The following CAMTA1 variants were observed in gnomAD, a reference collection of about 807,000 sequenced individuals.
CAMTA1 encodes calmodulin-binding transcription activator 1.
A neutral mutation model predicts 170.9 loss-of-function variants in CAMTA1; 27 were observed. The ratio of observed to expected loss-of-function variants is 0.16; its 90% CI spans 0.12 to 0.22. The LOEUF (loss-of-function observed/expected upper bound fraction) is 0.22, where lower values mean the gene tolerates loss of function less well. Among genes scored for constraint, CAMTA1 ranks in the 10% least tolerant of loss-of-function variants. CAMTA1 has a pLI of 1.00. For missense variants in CAMTA1, 1,619 were observed against 2,217.2 expected, an observed-to-expected ratio of 0.73 and a Z score of 5.42; for synonymous variants, 833 against 891.5, an observed-to-expected ratio of 0.93 and a Z score of 1.17.
chr1:7,546,448 G>C (rs1275416153), intron 6 of CAMTA1, among the ~76,000 whole-genome samples: 1 of 152,144 alleles, frequency 6.6e-6, no homozygotes, highest in African/African-American at 2.4e-5. Flanking sequence ...ATTGTGAATA[G>C]TGCTGCAATG....
At chr1:7,477,067 G>A (rs563087858) in intron 6 of CAMTA1, among the ~76,000 whole-genome samples, 1 of 152,208 alleles carries the variant, frequency 6.6e-6, no homozygotes, top group African/African-American at 2.4e-5. Context: ...GAAGGGCAAG[G>A]GGGTGTGAGG....
chr1:7,642,555 T>C lies in CAMTA1; in HGVS notation c.664+2002T>C, dbSNP rs987721250. Among the ~76,000 whole-genome samples the C allele has an allele frequency of 2.6e-5, 4 of 152,134 alleles. No homozygotes were observed. Among genetic ancestry groups the C allele is most frequent in the African/African-American group, 9.7e-5 (4 of 41,434 alleles). On this transcript the variant is annotated intron_variant, in intron 7 of 22. Transcript: ENST00000303635. This position sits in a 1 kb window ranked among gnomAD's most constrained non-coding sequence, Gnocchi z 6.3. ...TGCAGGGCTGGCACCGGACACTGGG[T>C]CCTGCCTAGACCCCGCCCCAGGGGG...
chr1:7,731,775 G>A (rs1431052259), intron 11 of CAMTA1, among the ~76,000 whole-genome samples: 1 of 152,054 alleles, frequency 6.6e-6, no homozygotes, highest in Non-Finnish European at 1.5e-5. Context: ...TGCTCGGGAG[G>A]CTGAGATGGG....
rs1661302197 is a variant in CAMTA1 at position 7,224,239 on chromosome 1, G to T, written c.303-25252G>T. 6.6e-6 allele frequency among the ~76,000 whole-genome samples: 1 copy of T among 152,168 alleles called. No individual in the cohort carries two copies. The highest frequency in any genetic ancestry group is 1.5e-5 in the Non-Finnish European group (1 of 68,034). On this transcript the variant is annotated intron_variant, in intron 4 of 22. Coordinates refer to ENST00000303635, the MANE Select transcript of CAMTA1 (RefSeq NM_015215.4). The surrounding 1 kb of genome is among the most constrained non-coding windows in gnomAD (Gnocchi z 5.2). ...TCAGTCTCCTTTTACTGCAGGAGAG[G>T]CTGCAGGCTTAGCTGGAAACATAAT...
Position 7,562,049 on chromosome 1 carries a change from T to C in CAMTA1, c.511-78351T>C, listed in dbSNP as rs904161145. Reference sequence around the variant, plus strand: ...CCCCATCGAAGGGTCGTGGCCAAGATGGTGATTGGGAGATGGTGTTCAGGG... The same window carrying C: ...CCCCATCGAAGGGTCGTGGCCAAGACGGTGATTGGGAGATGGTGTTCAGGG... On this transcript the variant is annotated intron_variant, in intron 6 of 22. Coordinates refer to ENST00000303635, the MANE Select transcript of CAMTA1 (RefSeq NM_015215.4). This position sits in a 1 kb window ranked among gnomAD's most constrained non-coding sequence, Gnocchi z 4.8. Among the ~76,000 whole-genome samples, 1 of 152,048 alleles carries C rather than the reference T, an allele frequency of 6.6e-6. No homozygotes were observed. The highest frequency in any genetic ancestry group is 2.4e-5 in the African/African-American group (1 of 41,388).
chr1:7,590,736 C>G (rs774928498), intron 6 of CAMTA1, among the ~76,000 whole-genome samples: 1 of 152,168 alleles, frequency 6.6e-6, no homozygotes, highest in African/African-American at 2.4e-5. Flanking sequence ...GGACCGGCAC[C>G]TTTGCCCACC....
chr1:7,134,245 G>A (rs961233037), intron 4 of CAMTA1, among the ~76,000 whole-genome samples: 3 of 152,010 alleles, frequency 2.0e-5, no homozygotes, highest in African/African-American at 7.3e-5. Flanking sequence ...CTATTTTATG[G>A]CTGCATAGTA....
intron 3 of CAMTA1, among the ~76,000 whole-genome samples, chr1:6,998,561 T>C (rs1697690934): frequency 6.6e-6 from 1 of 152,154 alleles, no homozygotes; most frequent in South Asian, 2.1e-4. Flanking sequence ...GCCCTCAAGG[T>C]TTCTTTGAGA....
chr1:6,928,206 T>A (rs1194389973), intron 3 of CAMTA1, among the ~76,000 whole-genome samples: 2 of 152,228 alleles, frequency 1.3e-5, no homozygotes, highest in African/African-American at 4.8e-5. Context: ...TTCAAGTCTG[T>A]GGCCACGCTG....
At chr1:7,536,905 G>T (rs1328847364) in intron 6 of CAMTA1, among the ~76,000 whole-genome samples, 1 of 152,082 alleles carries the variant, frequency 6.6e-6, no homozygotes, top group Non-Finnish European at 1.5e-5. Context: ...GGTGGCTCCT[G>T]CCCCCATTGA....
intron 6 of CAMTA1, among the ~76,000 whole-genome samples, chr1:7,518,417 C>T (rs1202402812): frequency 6.6e-6 from 1 of 151,940 alleles, no homozygotes; most frequent in Non-Finnish European, 1.5e-5. Flanking sequence ...GTGACACCCC[C>T]AAGGTCAGTG....
At chr1:6,909,834 A>G (rs1183715179) in intron 3 of CAMTA1, among the ~76,000 whole-genome samples, 1 of 152,226 alleles carries the variant, frequency 6.6e-6, no homozygotes, top group Non-Finnish European at 1.5e-5. Context: ...CCCGGTTTTC[A>G]GGCTCAGCTC....
At chr1:7,302,406 CCT>C (rs1022064548) in intron 5 of CAMTA1, among the ~76,000 whole-genome samples, 4 of 152,114 alleles carry the variant, frequency 2.6e-5, no homozygotes, top group Non-Finnish European at 5.9e-5. Flanking sequence ...CTTTTCATCC[CCT>C]GTTTTATGCA....
Position 7,443,332 on chromosome 1 carries a change from G to A in CAMTA1, c.439-24498G>A, listed in dbSNP as rs530441866. Reference sequence around the variant, plus strand: ...ATGCTCAGCCCCAGCATCGGGCCTGGCCCATGGCAAGCCTAGCTAGTACTT... The same window carrying A: ...ATGCTCAGCCCCAGCATCGGGCCTGACCCATGGCAAGCCTAGCTAGTACTT... On this transcript the variant is annotated intron_variant, in intron 5 of 22. Coordinates refer to ENST00000303635, the MANE Select transcript of CAMTA1 (RefSeq NM_015215.4). The surrounding 1 kb of genome is among the most constrained non-coding windows in gnomAD (Gnocchi z 4.1). 2.1e-3 allele frequency among the ~76,000 whole-genome samples: 327 copies of A among 152,332 alleles called. 1 individual carries two copies. The highest frequency in any genetic ancestry group is 7.5e-3 in the African/African-American group (311 of 41,570).
chr1:7,600,771 A>C (rs958130655), intron 6 of CAMTA1, among the ~76,000 whole-genome samples: 3 of 152,168 alleles, frequency 2.0e-5, no homozygotes, highest in African/African-American at 7.2e-5. Context: ...TGGACACAGC[A>C]CATGTTTCAG....
chr1:7,655,646 T>C (rs888553550), intron 7 of CAMTA1, among the ~76,000 whole-genome samples: 11 of 133,822 alleles, frequency 8.2e-5, no homozygotes, highest in South Asian at 2.5e-4. Flanking sequence ...ATACACACAC[T>C]ACACACCCAC....
intron 4 of CAMTA1, among the ~76,000 whole-genome samples, chr1:7,107,305 C>T (rs1017354820): frequency 2.6e-3 from 79 of 30,312 alleles, no homozygotes; most frequent in East Asian, 3.4e-3. Flanking sequence ...TGTGTGTGCG[C>T]GCCCACACAC....
chr1:7,332,258 G>A (rs774645344), intron 5 of CAMTA1, among the ~76,000 whole-genome samples: 5 of 149,040 alleles, frequency 3.4e-5, no homozygotes, highest in Non-Finnish European at 5.9e-5. Context: ...GAATGACTTC[G>A]GGGAAAGAGG....
At chr1:7,353,990 A>G (rs1211314264) in intron 5 of CAMTA1, among the ~76,000 whole-genome samples, 1 of 152,036 alleles carries the variant, frequency 6.6e-6, no homozygotes, top group East Asian at 1.9e-4. Flanking sequence ...GCCCCCATTT[A>G]TAAGCGAGAA....
Sources: gnomAD v4.1 joint callset for allele counts (sites outside exome capture counted in the v4.1 genomes callset) on GRCh38, gnomAD v4.1.1 for gene constraint, Gnocchi (gnomAD v3.1) non-coding constraint, MANE v1.5 for transcripts, NCBI Gene and HGNC (gene_info 2026-07-23, HGNC 2026-07-21) for gene names.